SMIM36: variants seen among roughly 807,000 people sequenced by gnomAD.
The protein encoded by SMIM36 is small integral membrane protein 36.
At chr17:55,501,304 TATGTTATATA>T in intron 1 of SMIM36, among the ~76,000 whole-genome samples, 1 of 48,184 alleles carries the variant, frequency 2.1e-5, no homozygotes, top group African/African-American at 6.0e-5. Context: ...TAATATATAT[TATGTTATATA>T]TTATATTTTA....
intron 1 of SMIM36, among the ~76,000 whole-genome samples, chr17:55,499,945 T>C (rs1162759283): frequency 6.6e-6 from 1 of 152,054 alleles, no homozygotes; most frequent in Non-Finnish European, 1.5e-5. Flanking sequence ...CATCATGCTG[T>C]AGAAAGGTAA....
chr17:55,527,443 G>A, the SMIM36 span, among the ~76,000 whole-genome samples: 5,306 of 152,124 alleles, frequency 0.035, 264 homozygotes, highest in African/African-American at 0.11. Context: ...AACATTTGGC[G>A]CAATCCACTG....
At chr17:55,523,582 C>T in the SMIM36 span, among the ~76,000 whole-genome samples, 1,429 of 150,030 alleles carry the variant, frequency 9.5e-3, 66 homozygotes, top group East Asian at 0.11. Context: ...CAGCTATAGA[C>T]AAGCCAAGGA....
intron 4 of SMIM36, among the ~76,000 whole-genome samples, chr17:55,452,997 C>G (rs1033525201): frequency 6.6e-6 from 1 of 152,198 alleles, no homozygotes; most frequent in Non-Finnish European, 1.5e-5. Context: ...AGTACACCAC[C>G]TGGGCAGTTC....
intron 1 of SMIM36, among the ~76,000 whole-genome samples, chr17:55,481,644 C>A (rs1909523255): frequency 6.6e-6 from 1 of 152,096 alleles, no homozygotes; most frequent in African/African-American, 2.4e-5. Context: ...AACTTCCAGA[C>A]AAGATTTGGC....
intron 1 of SMIM36, among the ~76,000 whole-genome samples, chr17:55,489,880 G>C (rs187063615): frequency 1.3e-5 from 2 of 150,434 alleles, no homozygotes; most frequent in Non-Finnish European, 2.9e-5. Context: ...ACAGAATCTC[G>C]CTCTGTCGCC....
chr17:55,522,501 A>G, the SMIM36 span, among the ~76,000 whole-genome samples: 1 of 152,246 alleles, frequency 6.6e-6, no homozygotes, highest in Non-Finnish European at 1.5e-5. Context: ...TTCACATCTT[A>G]CATATAGGCA....
Position 55,508,431 on chromosome 17 carries a change from AATATATAT to A in SMIM36, c.*174+2440_*174+2447del, listed in dbSNP as rs55879501. Among the ~76,000 whole-genome samples, 438 of 114,306 alleles carry A rather than the reference AATATATAT, an allele frequency of 3.8e-3. 26 individuals carry two copies. Among genetic ancestry groups the A allele is most frequent in the African/African-American group, 0.013 (366 of 28,372 alleles). 75.0% of individuals were successfully genotyped at this position (114,306 alleles called of 152,430 possible). ...CATATTTTATATATATATTCCTAGG[AATATATAT>A]ATATATATATATATATATATATATA... is the stretch of plus-strand genomic sequence containing the variant. On this transcript the variant is annotated intron_variant, in intron 1 of 4. Coordinates refer to ENST00000636752, the Ensembl canonical transcript of SMIM36.
chr17:55,513,509 T>A (rs967645323), upstream of SMIM36, among the ~76,000 whole-genome samples: 7 of 152,228 alleles, frequency 4.6e-5, no homozygotes, highest in Non-Finnish European at 8.8e-5. Context: ...AGTAGAGTTG[T>A]CTGTTGCATC....
the SMIM36 span, among the ~76,000 whole-genome samples, chr17:55,520,863 G>A: frequency 1.3e-5 from 2 of 152,154 alleles, no homozygotes; most frequent in Non-Finnish European, 2.9e-5. Flanking sequence ...AGGTGCTGTG[G>A]CTCACACCTG....
the SMIM36 span, among the ~76,000 whole-genome samples, chr17:55,530,968 C>T: frequency 6.6e-6 from 1 of 152,074 alleles, no homozygotes; most frequent in East Asian, 1.9e-4. Context: ...CCTATTTAAG[C>T]CTACCTAATA....
chr17:55,529,807 A>ACAAAAAAACAAACAAACAAACAAAC, the SMIM36 span, among the ~76,000 whole-genome samples: 1 of 152,134 alleles, frequency 6.6e-6, no homozygotes, highest in African/African-American at 2.4e-5. Flanking sequence ...AAACAAACAA[A>ACAAAAAAACAAACAAACAAACAAAC]AAACAAAACA....
chr17:55,520,007 C>A, the SMIM36 span, among the ~76,000 whole-genome samples: 1 of 152,024 alleles, frequency 6.6e-6, no homozygotes. Context: ...TACTACTGGG[C>A]CAAAAACAAG....
At chr17:55,464,498 A>G (rs1018353029) in intron 4 of SMIM36, among the ~76,000 whole-genome samples, 1 of 144,330 alleles carries the variant, frequency 6.9e-6, no homozygotes, top group Middle Eastern at 3.5e-3. Flanking sequence ...AAACAAAATT[A>G]AAAAAAAAAA....
chr17:55,464,983 A>C (rs1425820378), intron 4 of SMIM36, among the ~76,000 whole-genome samples: 1 of 152,240 alleles, frequency 6.6e-6, no homozygotes, highest in Non-Finnish European at 1.5e-5. Flanking sequence ...CTGAAAATAA[A>C]TTGAAGCATT....
At chr17:55,466,031 A>G (rs1269619795) in intron 4 of SMIM36, among the ~76,000 whole-genome samples, 1 of 152,042 alleles carries the variant, frequency 6.6e-6, no homozygotes, top group Non-Finnish European at 1.5e-5. Context: ...TAATCTCAGC[A>G]CTTTGGGAGG....
chr17:55,490,040 A>G (rs1305023462), intron 1 of SMIM36, among the ~76,000 whole-genome samples: 1 of 150,044 alleles, frequency 6.7e-6, no homozygotes, highest in East Asian at 2.0e-4. Context: ...TATTTTTTGT[A>G]GAGACAGGGT....
At chr17:55,524,481 T>C in the SMIM36 span, among the ~76,000 whole-genome samples, 1 of 152,316 alleles carries the variant, frequency 6.6e-6, no homozygotes, top group African/African-American at 2.4e-5. Flanking sequence ...TTTTAGCTCT[T>C]TGAGGAATCA....
the SMIM36 span, among the ~76,000 whole-genome samples, chr17:55,526,455 G>A: frequency 3.9e-5 from 6 of 152,082 alleles, no homozygotes; most frequent in Admixed American, 2.6e-4. Context: ...CACCTCGCCC[G>A]GCCGAGAAAG....
Sources: gnomAD v4.1 joint callset for allele counts (sites outside exome capture counted in the v4.1 genomes callset) on GRCh38, gnomAD v4.1.1 for gene constraint, MANE v1.5 for transcripts, NCBI Gene and HGNC (gene_info 2026-07-23, HGNC 2026-07-21) for gene names.